CWF19L1: variants seen among roughly 807,000 people sequenced by gnomAD.
CWF19L1 encodes the protein CWF19-like protein 1.
Under a neutral mutation model 69.7 loss-of-function variants are expected in CWF19L1, and 60 were observed. The observed-to-expected ratio is 0.86, with a 90% CI of 0.70 to 1.07. CWF19L1 has a LOEUF of 1.07. CWF19L1 is among the 50% of genes least tolerant of loss of function. The pLI is 0.00. For missense variants in CWF19L1, 591 were observed against 638.9 expected (o/e 0.92, Z 0.81); for synonymous variants, 209 against 222.2 (o/e 0.94, Z 0.53).
At chr10:100,252,456 A>G (rs187520357) in intron 6 of CWF19L1, among the ~76,000 whole-genome samples, 37 of 151,804 alleles carry the variant, frequency 2.4e-4, no homozygotes, top group Non-Finnish European at 4.6e-4. Context: ...CTTGACCTCT[A>G]TATACCTACT....
At chr10:100,241,947 C>T (rs966270960) in intron 10 of CWF19L1, among the ~76,000 whole-genome samples, 3 of 152,168 alleles carry the variant, frequency 2.0e-5, no homozygotes, top group Admixed American at 6.5e-5. Flanking sequence ...ATTCTAGTCA[C>T]TGGTGACTAT....
intron 5 of CWF19L1, 93 bp from the exon 6 acceptor site, chr10:100,253,632 A>T: frequency 4.0e-6 from 3 of 748,316 alleles, no homozygotes; most frequent in Non-Finnish European, 2.4e-6. Context: ...TTTGAAATTT[A>T]TACATGAATA....
At chr10:100,240,666 C>T (rs750134513) in intron 10 of CWF19L1, among the ~76,000 whole-genome samples, 8 of 152,144 alleles carry the variant, frequency 5.3e-5, no homozygotes, top group Non-Finnish European at 1.2e-4. Flanking sequence ...CTCACTGAGG[C>T]CTAGAGCAGC....
chr10:100,256,441 G>A lies in CWF19L1; in HGVS notation c.325C>T (p.Gln109Ter). The A allele has an allele frequency of 6.2e-7, 1 of 1,614,200 alleles. No individual in the cohort carries two copies. The highest frequency in any genetic ancestry group is 8.5e-7 in the Non-Finnish European group (1 of 1,180,038). The change falls in exon 5 of 14, where the codon CAG (glutamine) becomes TAG (stop). Residue 109 changes from glutamine (Q) to a stop codon, truncating the protein, a stop_gained. Transcript: ENST00000354105. LOFTEE classifies it high-confidence loss of function. ...TCTGTCCCACTGAGGTACACAATCT[G>A]CAGCCCCGAGCTTCCAGTGAAGATA... ...KGIFTGSSGL[Q>*]IVYLSGTESL...
Position 100,246,900 on chromosome 10 carries a change from T to C in CWF19L1, c.744A>G (p.Leu248=). ...LYAFSIVPMK[L]MDAAELVKQP... is the part of the protein sequence containing the mutation. ...GTTTTACCAGTTCTGCTGCATCCAT[T>C]AGCTTCATGGGAACAATACTGAACG... is the stretch of plus-strand genomic sequence containing the variant. Residue 248 remains leucine, a synonymous_variant, in exon 8 of 14, where the codon CTA becomes CTG. Coordinates refer to ENST00000354105, the MANE Select transcript of CWF19L1 (RefSeq NM_018294.6). The C allele has an allele frequency of 6.2e-7, 1 of 1,613,754 alleles. No homozygotes were observed. The highest frequency in any genetic ancestry group is 1.1e-5 in the South Asian group (1 of 91,054).
chr10:100,243,842 G>A, intron 9 of CWF19L1, 65 bp from the exon 10 acceptor site: 3 of 1,300,690 alleles, frequency 2.3e-6, no homozygotes, highest in Non-Finnish European at 3.3e-6. Flanking sequence ...TCACCCCACA[G>A]AACTCAGCTT....
chr10:100,260,984 T>C lies in CWF19L1; in HGVS notation c.169A>G (p.Lys57Glu), dbSNP rs1847380164. ...TCTATACCTTTCTTGATGCCAGTCT[T>C]ATACTCCTCCCATTCAGCATCTTGG... ...STQDAEWEEYKTGIKKAPIQT... is the reference protein window; with the variant it reads ...STQDAEWEEYETGIKKAPIQT... Residue 57 changes from lysine to glutamate, a missense_variant, in exon 3 of 14, where the codon AAG (lysine) becomes GAG (glutamate). Coordinates refer to ENST00000354105, the MANE Select transcript of CWF19L1 (RefSeq NM_018294.6). 1 of 1,610,342 alleles carries C rather than the reference T, an allele frequency of 6.2e-7. No homozygotes were observed. Among genetic ancestry groups the C allele is most frequent in the Non-Finnish European group, 8.5e-7 (1 of 1,177,132 alleles).
intron 9 of CWF19L1, among the ~76,000 whole-genome samples, chr10:100,244,248 A>C (rs568182715): frequency 1.3e-5 from 2 of 152,214 alleles, no homozygotes; most frequent in South Asian, 4.1e-4. Context: ...TTATGAACCC[A>C]TATTGGTTTT....
chr10:100,261,429 C>CA (rs1005183130), intron 2 of CWF19L1, among the ~76,000 whole-genome samples: 2 of 152,108 alleles, frequency 1.3e-5, no homozygotes, highest in African/African-American at 4.8e-5. Flanking sequence ...CCGTGTGAAA[C>CA]AAAAAAACTT....
chr10:100,240,210 T>C (rs1433925919), intron 10 of CWF19L1, among the ~76,000 whole-genome samples: 1 of 152,210 alleles, frequency 6.6e-6, no homozygotes, highest in African/African-American at 2.4e-5. Flanking sequence ...GTAAGTAAAA[T>C]GCATTGATTT....
At chr10:100,266,636 C>CACCGCGCCCG in intron 1 of CWF19L1, among the ~76,000 whole-genome samples, 1 of 151,468 alleles carries the variant, frequency 6.6e-6, no homozygotes. Flanking sequence ...CTGCCTCAGC[C>CACCGCGCCCG]TCCCAAGTAG....
chr10:100,235,901 T>A, intron 12 of CWF19L1, 137 bp from the exon 13 acceptor site: 1 of 631,170 alleles, frequency 1.6e-6, no homozygotes, highest in Non-Finnish European at 2.7e-6. Flanking sequence ...CCCAAGCCAC[T>A]TAGTGGAACT....
chr10:100,262,116 C>T (rs956336482), intron 1 of CWF19L1, 53 bp from the exon 2 acceptor site: 64 of 1,584,004 alleles, frequency 4.0e-5, no homozygotes, highest in Middle Eastern at 1.7e-4. Flanking sequence ...ATGGGCCTGC[C>T]GGGTTTGGTA....
intron 9 of CWF19L1, 108 bp from the exon 10 acceptor site, chr10:100,243,885 T>C (rs1846716819): frequency 2.4e-6 from 2 of 841,846 alleles, no homozygotes; most frequent in Non-Finnish European, 4.0e-6. Context: ...AAGACTGGTA[T>C]ACAACACTGC....
intron 10 of CWF19L1, among the ~76,000 whole-genome samples, chr10:100,241,000 CTTTTTTTT>C (rs56262807): frequency 1.4e-4 from 10 of 70,628 alleles, no homozygotes; most frequent in African/African-American, 5.1e-4. Context: ...CTAATTAAGC[CTTTTTTTT>C]TTTTTTTTTT....
At chr10:100,252,226 G>T (rs75372703) in intron 6 of CWF19L1, among the ~76,000 whole-genome samples, 5 of 151,964 alleles carry the variant, frequency 3.3e-5, no homozygotes, top group Non-Finnish European at 5.9e-5. Flanking sequence ...TCTATATCAG[G>T]AGATCGAGAC....
intron 1 of CWF19L1, chr10:100,262,361 T>TC (rs947036300): frequency 5.1e-6 from 5 of 985,146 alleles, no homozygotes; most frequent in African/African-American, 3.5e-5. Context: ...AAGTCAAAAA[T>TC]CCCCCATCCA....
In CWF19L1 at chr10:100,240,734, T is replaced by C. The variant is rs113344225; in HGVS notation, c.1045-2503A>G. Among the ~76,000 whole-genome samples, 12 of 152,298 alleles carry C rather than the reference T, an allele frequency of 7.9e-5. No homozygotes were observed. The South Asian group carries it at 1.0e-3, about 13-fold the overall frequency. Reference sequence around the variant, plus strand: ...TCTCCTGCGTGTGATCTTGAACCTATTGAAGCTTCCCAAACAGAAGGCAAT... The same window carrying C: ...TCTCCTGCGTGTGATCTTGAACCTACTGAAGCTTCCCAAACAGAAGGCAAT... On this transcript the variant is annotated intron_variant, in intron 10 of 13. Coordinates refer to ENST00000354105, the MANE Select transcript of CWF19L1 (RefSeq NM_018294.6).
At chr10:100,247,986 A>T (rs1846886092) in intron 7 of CWF19L1, among the ~76,000 whole-genome samples, 1 of 152,126 alleles carries the variant, frequency 6.6e-6, no homozygotes, top group Non-Finnish European at 1.5e-5. Flanking sequence ...ATAAATTGGA[A>T]CAAAGTTTTT....
Sources: allele counts gnomAD v4.1 joint callset (sites outside exome capture counted in the v4.1 genomes callset), GRCh38; gene constraint gnomAD v4.1.1; transcripts MANE v1.5; gene names NCBI Gene and HGNC (gene_info 2026-07-23, HGNC 2026-07-21).